Variants in FHIT observed in about 807,000 individuals in gnomAD.
FHIT encodes fragile histidine triad diadenosine triphosphatase, also known as bis(5'-adenosyl)-triphosphatase.
In FHIT, 19 loss-of-function variants were observed where a neutral mutation model predicts 17.9. The ratio of observed to expected loss-of-function variants is 1.06; its 90% CI spans 0.74 to 1.56. The LOEUF is 1.56. Ranked by LOEUF, FHIT falls within the 40% of genes most tolerant of loss-of-function variation. The pLI, the probability that FHIT is intolerant of heterozygous loss-of-function variation, is 0.00. For synonymous variants in FHIT, 81 were observed against 69.7 expected (o/e 1.16, Z -0.81); for missense variants, 248 against 189.2 (o/e 1.31, Z -1.82).
intron 5 of FHIT, among the ~76,000 whole-genome samples, chr3:60,018,337 C>T (rs1308769591): frequency 3.9e-5 from 6 of 152,156 alleles, no homozygotes. Flanking sequence ...TCCCATTAGA[C>T]CCTACCGCCA....
chr3:60,787,004 GAA>G (rs11445450), intron 4 of FHIT, among the ~76,000 whole-genome samples: 5,446 of 135,818 alleles, frequency 0.04, 120 homozygotes, highest in South Asian at 0.074. Flanking sequence ...AAGACAAAAA[GAA>G]AAAAAAAAAA....
chr3:59,786,032 G>A (rs1452831507), intron 8 of FHIT, among the ~76,000 whole-genome samples: 1 of 152,200 alleles, frequency 6.6e-6, no homozygotes, highest in Admixed American at 6.5e-5. Context: ...TGTCTGACAT[G>A]CAGCATGGCA....
At chr3:60,879,887 G>C (rs1353243334) in intron 3 of FHIT, among the ~76,000 whole-genome samples, 4 of 151,344 alleles carry the variant, frequency 2.6e-5, no homozygotes. Context: ...AAGACTACAA[G>C]ACTTATAGGA....
At chr3:60,500,337 TAAATA>T (rs3060314) in intron 5 of FHIT, among the ~76,000 whole-genome samples, 21,398 of 151,910 alleles carry the variant, frequency 0.14, 1,706 homozygotes, top group African/African-American at 0.22. Context: ...TGTTCTCAAA[TAAATA>T]AAATAAAGTA....
Position 60,174,950 on chromosome 3 carries a change from G to A in FHIT, c.104-160798C>T, listed in dbSNP as rs78068638. ...CAGCAGTTAACACAGTGCCTGGCACGTAGTGAATTTTAAAAAATATAGGTT... is the reference window on the plus strand; with the variant it reads ...CAGCAGTTAACACAGTGCCTGGCACATAGTGAATTTTAAAAAATATAGGTT... On this transcript the variant is annotated intron_variant, in intron 5 of 9. Coordinates refer to ENST00000492590, the MANE Select transcript of FHIT (RefSeq NM_002012.4). Among the ~76,000 whole-genome samples the A allele has an allele frequency of 8.4e-4, 128 of 152,260 alleles. 1 individual carries two copies. Among genetic ancestry groups the A allele is most frequent in the Non-Finnish European group, 9.7e-4 (66 of 68,014 alleles).
intron 1 of FHIT, among the ~76,000 whole-genome samples, chr3:61,224,936 A>G (rs1478938804): frequency 6.6e-6 from 1 of 152,238 alleles, no homozygotes; most frequent in East Asian, 1.9e-4. Context: ...ATCTTCTCTT[A>G]TATAACACCA....
chr3:60,939,500 GAC>G (rs1708323006), intron 3 of FHIT, among the ~76,000 whole-genome samples: 1 of 151,876 alleles, frequency 6.6e-6, no homozygotes, highest in African/African-American at 2.4e-5. Context: ...TCAACAATAG[GAC>G]ACAGACTTCC....
chr3:59,789,433 G>A (rs1181456105), intron 8 of FHIT, among the ~76,000 whole-genome samples: 1 of 152,092 alleles, frequency 6.6e-6, no homozygotes, highest in Admixed American at 6.6e-5. Context: ...AAAACACTAT[G>A]CATTTTTCTC....
chr3:60,077,255 AATAT>A (rs1005851933), intron 5 of FHIT: 1 of 151,922 alleles, frequency 6.6e-6, no homozygotes, highest in Non-Finnish European at 1.5e-5. Flanking sequence ...GAGATATGGA[AATAT>A]ATATATAGTA....
At chr3:60,294,171 T>C (rs1336578267) in intron 5 of FHIT, among the ~76,000 whole-genome samples, 1 of 152,204 alleles carries the variant, frequency 6.6e-6, no homozygotes, top group African/African-American at 2.4e-5. Flanking sequence ...GCTTCTGTCA[T>C]TGTTGAAAAG....
chr3:60,651,137 T>A (rs797030147), intron 4 of FHIT, among the ~76,000 whole-genome samples: 10 of 152,038 alleles, frequency 6.6e-5, no homozygotes, highest in African/African-American at 2.4e-4. Context: ...TCATTTAGGG[T>A]TTTTCTATTA....
At chr3:60,544,420 C>T (rs1045067848) in intron 4 of FHIT, among the ~76,000 whole-genome samples, 17 of 151,714 alleles carry the variant, frequency 1.1e-4, no homozygotes, top group African/African-American at 3.9e-4. Context: ...TTGCTTGTTC[C>T]GTGCCATTAA....
At chr3:60,943,757 C>T (rs1420108193) in intron 3 of FHIT, among the ~76,000 whole-genome samples, 2 of 152,110 alleles carry the variant, frequency 1.3e-5, no homozygotes, top group Non-Finnish European at 2.9e-5. Flanking sequence ...TAGCTGTTCT[C>T]AATAAATAAT....
chr3:59,757,110 C>T (rs765900071), intron 8 of FHIT, among the ~76,000 whole-genome samples: 6 of 152,140 alleles, frequency 3.9e-5, no homozygotes, highest in South Asian at 2.1e-4. Flanking sequence ...TCAACACCAA[C>T]GCTGATGTAT....
chr3:60,786,091 A>G (rs1418253418), intron 4 of FHIT, among the ~76,000 whole-genome samples: 1 of 152,180 alleles, frequency 6.6e-6, no homozygotes, highest in Non-Finnish European at 1.5e-5. Context: ...TAAAAAAGCA[A>G]TATTTTTTTA....
chr3:59,938,783 T>C (rs1348712160), intron 7 of FHIT, among the ~76,000 whole-genome samples: 1 of 152,158 alleles, frequency 6.6e-6, no homozygotes, highest in Non-Finnish European at 1.5e-5. Flanking sequence ...TTGTAAAATA[T>C]ACTAGAAAAA....
intron 2 of FHIT, among the ~76,000 whole-genome samples, chr3:61,108,576 C>A (rs2165044): frequency 6.6e-6 from 1 of 152,128 alleles, no homozygotes; most frequent in South Asian, 2.1e-4. Context: ...GGTAAAGGAC[C>A]TATCTCCTAG....
chr3:60,761,967 A>G (rs1699673420), intron 4 of FHIT, among the ~76,000 whole-genome samples: 1 of 152,160 alleles, frequency 6.6e-6, no homozygotes, highest in Non-Finnish European at 1.5e-5. Flanking sequence ...TTCCTTTGCT[A>G]CCGGCTTCCA....
chr3:60,033,056 AT>A (rs1701067473), intron 5 of FHIT, among the ~76,000 whole-genome samples: 1 of 152,206 alleles, frequency 6.6e-6, no homozygotes. Flanking sequence ...ACAATATTGG[AT>A]TAAAACAGCA....
Sources: gnomAD v4.1 joint callset for allele counts (sites outside exome capture counted in the v4.1 genomes callset) on GRCh38, gnomAD v4.1.1 for gene constraint, MANE v1.5 for transcripts, NCBI Gene and HGNC (gene_info 2026-07-23, HGNC 2026-07-21) for gene names.